The following SLC23A2 variants were observed in gnomAD, a reference collection of about 807,000 sequenced individuals.
SLC23A2 encodes solute carrier family 23 member 2.
Under a neutral mutation model 73.3 loss-of-function variants are expected in SLC23A2, and 36 were observed. That is an observed-to-expected ratio of 0.49 (90% CI 0.38 to 0.65). SLC23A2 has a LOEUF of 0.65. SLC23A2 is among the 30% of genes least tolerant of loss of function. The probability of loss-of-function intolerance (pLI) is 0.00; values close to 1 mark genes in which losing one functional copy is unlikely to be tolerated. For synonymous variants in SLC23A2, 343 were observed against 327.3 expected (o/e 1.05, Z -0.52); for missense variants, 507 against 841.6 (o/e 0.60, Z 4.92).
rs776071577 is a variant in SLC23A2 at position 4,874,606 on chromosome 20, C to G, written c.915G>C (p.Ala305=). 2 of 1,611,662 alleles carry G rather than the reference C, an allele frequency of 1.2e-6. No homozygotes were observed. Among genetic ancestry groups the G allele is most frequent in the Non-Finnish European group, 8.5e-7 (1 of 1,179,094 alleles). The part of the protein sequence containing the change: ...PIYKSKKGWT[A]YKLQLFKMFP... ...ACATTTTGAACAGCTGTAACTTGTA[C>G]GCAGTCCATCCTTTCTTGGATTTAT... Residue 305 remains alanine (A), a synonymous_variant, in exon 10 of 17, where the codon GCG becomes GCC. Coordinates refer to ENST00000338244, the MANE Select transcript of SLC23A2 (RefSeq NM_005116.6).
chr20:4,857,109 C>T lies in SLC23A2; in HGVS notation c.1816G>A (p.Gly606Ser). Residue 606 changes from glycine to serine, a missense_variant, in exon 17 of 17, where the codon GGC becomes AGC. By Grantham distance (56) the Gly-to-Ser change is moderately conservative (BLOSUM62 0). Around this residue, in one of 5 missense-constraint regions of SLC23A2, gnomAD observed 168 missense variants for 302.3 expected, o/e 0.56. Transcript: ENST00000338244. The surrounding 1 kb of genome is among the most constrained non-coding windows in gnomAD (Gnocchi z 4.0). Reference sequence around the variant, plus strand: ...CTGTATTTTTTTATAATGTTCATGCCAAATGGCAAATTGTACGACTCCATG... The same window carrying T: ...CTGTATTTTTTTATAATGTTCATGCTAAATGGCAAATTGTACGACTCCATG... Reference protein sequence around the residue: ...DGMESYNLPFGMNIIKKYRCF... With the variant: ...DGMESYNLPFSMNIIKKYRCF... 6.2e-7 allele frequency: 1 copy of T among 1,614,048 alleles called. No homozygotes were observed. Among genetic ancestry groups the T allele is most frequent in the South Asian group, 1.1e-5 (1 of 91,078 alleles).
chr20:4,950,662 CTGCCCTGTGGAATA>C (rs1247269848), intron 2 of SLC23A2, among the ~76,000 whole-genome samples: 1 of 152,074 alleles, frequency 6.6e-6, no homozygotes, highest in Non-Finnish European at 1.5e-5. Context: ...TGGGCACCCT[CTGCCCTGTGGAATA>C]TGCAAATACC....
rs542171393 is a variant in SLC23A2 at position 4,918,958 on chromosome 20, A to T, written c.109-5980T>A. The stretch of plus-strand genomic sequence containing the variant: ...ACACCGTTATTTCCTCTTGTATCCA[A>T]ATCTACTCCACAATTAAAATGTGTT... On this transcript the variant is annotated intron_variant, in intron 3 of 16. Transcript: ENST00000338244. Among the ~76,000 whole-genome samples the T allele has an allele frequency of 1.2e-4, 19 of 152,282 alleles. 1 individual carries two copies. The South Asian group carries it at 3.7e-3, about 30-fold the overall frequency.
chr20:4,862,073 GC>G lies in SLC23A2; in HGVS notation c.1498del (p.Ala500LeufsTer12). On this transcript the variant is annotated frameshift_variant, in exon 15 of 17. Coordinates refer to ENST00000338244, the MANE Select transcript of SLC23A2 (RefSeq NM_005116.6). LOFTEE classifies it high-confidence loss of function. This position sits in a 1 kb window ranked among gnomAD's most constrained non-coding sequence, Gnocchi z 5.1. ...GAACTGCAGGTTAGAGAGGCCAACA[GC>G]TGTGATCATTCCTGGAGAAAAACAA... ...LFCTLFGMIT[A>X]VGLSNLQFID... 6.2e-7 allele frequency: 1 copy of G among 1,614,168 alleles called. No individual in the cohort carries two copies. Among genetic ancestry groups the G allele is most frequent in the South Asian group, 1.1e-5 (1 of 91,082 alleles).
chr20:4,982,291 A>C (rs114899437), intron 1 of SLC23A2, among the ~76,000 whole-genome samples: 2,899 of 152,158 alleles, frequency 0.019, 93 homozygotes, highest in African/African-American at 0.066. Flanking sequence ...CCGTGCCCGG[A>C]CGATGGCAAT....
At chr20:4,920,782 C>T (rs554326920) in intron 3 of SLC23A2, among the ~76,000 whole-genome samples, 1 of 152,268 alleles carries the variant, frequency 6.6e-6, no homozygotes, top group South Asian at 2.1e-4. Flanking sequence ...ACAGAGTAAA[C>T]ATCCCCCTAT....
At chr20:4,903,204 A>T (rs528762361) in intron 4 of SLC23A2, among the ~76,000 whole-genome samples, 1 of 151,996 alleles carries the variant, frequency 6.6e-6, no homozygotes, top group Admixed American at 6.5e-5. Flanking sequence ...TAACACTAGT[A>T]AAAAAAATAT....
chr20:4,953,175 G>A (rs1203177457), intron 2 of SLC23A2, among the ~76,000 whole-genome samples: 1 of 150,812 alleles, frequency 6.6e-6, no homozygotes, highest in Non-Finnish European at 1.5e-5. Flanking sequence ...GCGTGGTGAT[G>A]CGTGCCTGTA....
At chr20:4,908,147 G>A (rs1238866735) in intron 4 of SLC23A2, among the ~76,000 whole-genome samples, 1 of 152,156 alleles carries the variant, frequency 6.6e-6, no homozygotes, top group Non-Finnish European at 1.5e-5. Context: ...CAAAAGAATA[G>A]ACTGGAATTA....
upstream of SLC23A2, among the ~76,000 whole-genome samples, chr20:5,003,533 A>G (rs1194694487): frequency 6.7e-6 from 1 of 149,828 alleles, no homozygotes. Flanking sequence ...TTTTTTTAAT[A>G]CGATGTGTTT....
At chr20:4,971,632 A>T (rs1191794705) in intron 1 of SLC23A2, among the ~76,000 whole-genome samples, 1 of 151,586 alleles carries the variant, frequency 6.6e-6, no homozygotes, top group African/African-American at 2.4e-5. Context: ...AAAAAAAAAA[A>T]AAAAATTATC....
intron 1 of SLC23A2, among the ~76,000 whole-genome samples, chr20:4,983,370 G>A (rs575758238): frequency 3.9e-5 from 6 of 151,940 alleles, no homozygotes; most frequent in Non-Finnish European, 8.8e-5. Context: ...AAGCAGGCTG[G>A]GCGCAGTGGC....
chr20:4,874,431 G>A (rs953959691), intron 10 of SLC23A2, 145 bp downstream of exon 10: 8 of 740,096 alleles, frequency 1.1e-5, no homozygotes, highest in African/African-American at 1.1e-4. Context: ...AGTCTATGAT[G>A]ATCTGAGTGG....
chr20:4,882,458 G>GAA lies in SLC23A2; in HGVS notation c.824+1182_824+1183dup, dbSNP rs11462307. Among the ~76,000 whole-genome samples, 56 of 147,812 alleles carry GAA rather than the reference G, an allele frequency of 3.8e-4. 1 individual carries two copies. In the South Asian group the frequency reaches 5.3e-3, roughly 14 times the overall value. On this transcript the variant is annotated intron_variant, in intron 9 of 16. Transcript: ENST00000338244. Reference sequence around the variant, plus strand: ...GTGTCTCCTTCAAACCTTGTTTAAAGAAAAAAAAAAACTTGATATTTTCAC... The same window carrying GAA: ...GTGTCTCCTTCAAACCTTGTTTAAAGAAAAAAAAAAAAACTTGATATTTTCAC...
chr20:4,969,335 C>T (rs2087526636), intron 2 of SLC23A2, among the ~76,000 whole-genome samples: 1 of 152,076 alleles, frequency 6.6e-6, no homozygotes, highest in Non-Finnish European at 1.5e-5. Flanking sequence ...GTGATCCGCC[C>T]GCCTCAGCTT....
At chr20:5,000,089 G>A (rs921108238) in intron 1 of SLC23A2, among the ~76,000 whole-genome samples, 1 of 152,146 alleles carries the variant, frequency 6.6e-6, no homozygotes, top group Non-Finnish European at 1.5e-5. Flanking sequence ...TGAATGAAAA[G>A]AGAACAGTAG....
chr20:5,003,338 C>T (rs1365520866), upstream of SLC23A2, among the ~76,000 whole-genome samples: 1 of 151,996 alleles, frequency 6.6e-6, no homozygotes, highest in Non-Finnish European at 1.5e-5. Context: ...GAGCCGAGAT[C>T]GCGCCACCGC....
intron 6 of SLC23A2, among the ~76,000 whole-genome samples, chr20:4,892,455 G>A (rs1049366866): frequency 6.6e-6 from 1 of 152,148 alleles, no homozygotes; most frequent in Non-Finnish European, 1.5e-5. Context: ...CCAAAGTGCT[G>A]GGATTACAGG....
intron 5 of SLC23A2, among the ~76,000 whole-genome samples, chr20:4,901,138 G>T (rs1286005849): frequency 6.6e-6 from 1 of 152,150 alleles, no homozygotes; most frequent in Non-Finnish European, 1.5e-5. Flanking sequence ...GCCCAAGGTA[G>T]ACTAGTTGCC....
Sources: gnomAD v4.1 joint callset for allele counts (sites outside exome capture counted in the v4.1 genomes callset) on GRCh38, gnomAD v4.1.1 for gene constraint, gnomAD v4.1.1 regional missense constraint, Gnocchi (gnomAD v3.1) non-coding constraint, MANE v1.5 for transcripts, NCBI Gene and HGNC (gene_info 2026-07-23, HGNC 2026-07-21) for gene names.